The following CA5B variants were observed in gnomAD, a reference collection of about 807,000 sequenced individuals.
CA5B encodes carbonic anhydrase 5B.
Under a neutral mutation model 23.1 loss-of-function variants are expected in CA5B, and 15 were observed. That is an observed-to-expected ratio of 0.65 (90% CI 0.43 to 1.00). CA5B has a LOEUF of 1.00. CA5B is among the 50% of genes least tolerant of loss of function. The pLI, the probability that CA5B is intolerant of heterozygous loss-of-function variation, is 0.00. For missense variants in CA5B, 236 were observed against 252.2 expected (o/e 0.94, Z 0.43); for synonymous variants, 84 against 98.5 (o/e 0.85, Z 0.87).
intron 7 of CA5B, among the ~76,000 whole-genome samples, chrX:15,779,471 T>C (rs1226268828): frequency 8.9e-6 from 1 of 112,037 alleles, no homozygotes; most frequent in Non-Finnish European, 1.9e-5. Context: ...ACACATAAAA[T>C]TAACCATCAC....
At chrX:15,748,445 A>C (rs1165323096) in intron 1 of CA5B, among the ~76,000 whole-genome samples, 1 of 111,573 alleles carries the variant, frequency 9.0e-6, no homozygotes, top group Non-Finnish European at 1.9e-5. Context: ...TATTTAGCTC[A>C]AGGCACCATC....
intron 2 of CA5B, among the ~76,000 whole-genome samples, chrX:15,758,788 G>A (rs1931544529): frequency 8.9e-6 from 1 of 111,813 alleles, no homozygotes; most frequent in African/African-American, 3.3e-5. Flanking sequence ...GATTACAGGT[G>A]CAAGCCACTG....
Position 15,772,528 on chromosome X carries a change from C to A in CA5B, c.373C>A (p.Arg125=). 1.7e-6 allele frequency: 2 copies of A among 1,207,168 alleles called. No homozygotes were observed. The highest frequency in any genetic ancestry group is 2.2e-6 in the Non-Finnish European group (2 of 891,884). ...GGGAGGACCCCTGGAACACAACTAC[C>A]GATTGAAGCAGTTCCATTTTCACTG... ...IKGGPLEHNY[R]LKQFHFHWGA... The change falls in exon 4 of 8, where the codon CGA becomes AGA. Residue 125 remains arginine (R), a synonymous_variant. Coordinates refer to ENST00000318636, the MANE Select transcript of CA5B (RefSeq NM_007220.4).
chrX:15,752,214 C>G (rs763025416), intron 2 of CA5B, among the ~76,000 whole-genome samples: 1 of 110,665 alleles, frequency 9.0e-6, no homozygotes, highest in Admixed American at 9.7e-5. Flanking sequence ...AAATTCCTAT[C>G]TAAGGGGTCT....
chrX:15,764,019 C>T (rs946502702), intron 2 of CA5B, among the ~76,000 whole-genome samples: 6 of 111,534 alleles, frequency 5.4e-5, no homozygotes, highest in African/African-American at 2.0e-4. Flanking sequence ...GATACCTGCC[C>T]ACATTAAGGG....
At chrX:15,754,367 T>A (rs1443829274) in intron 2 of CA5B, among the ~76,000 whole-genome samples, 2 of 112,706 alleles carry the variant, frequency 1.8e-5, no homozygotes, top group Admixed American at 1.9e-4. Context: ...AATCTGACCA[T>A]TTTAAGAGGA....
At chrX:15,740,456 G>A (rs1266899640) in intron 1 of CA5B, among the ~76,000 whole-genome samples, 1 of 112,537 alleles carries the variant, frequency 8.9e-6, no homozygotes, top group African/African-American at 3.2e-5. Context: ...ATAACCTCAT[G>A]TATTGTTATA....
intron 2 of CA5B, among the ~76,000 whole-genome samples, chrX:15,755,626 C>T (rs940862447): frequency 1.8e-5 from 2 of 112,096 alleles, no homozygotes; most frequent in Non-Finnish European, 3.8e-5. Flanking sequence ...AAATATGAGC[C>T]GTATGGGTCA....
At chrX:15,757,523 A>G (rs1361989502) in intron 2 of CA5B, among the ~76,000 whole-genome samples, 2 of 109,763 alleles carry the variant, frequency 1.8e-5, no homozygotes, top group African/African-American at 3.3e-5. Flanking sequence ...TCAAAAACAA[A>G]CAAGCAACAA....
At chrX:15,752,486 G>A (rs1043760769) in intron 2 of CA5B, among the ~76,000 whole-genome samples, 1 of 111,836 alleles carries the variant, frequency 8.9e-6, no homozygotes, top group Non-Finnish European at 1.9e-5. Context: ...AGCACTTTGC[G>A]AGGCCGAGGC....
In CA5B at chrX:15,758,461, G is replaced by A. The variant is rs770185898; in HGVS notation, c.143-6117G>A. 4.1e-3 allele frequency among the ~76,000 whole-genome samples: 462 copies of A among 111,452 alleles called. 4 individuals are homozygous for A. Among genetic ancestry groups the A allele is most frequent in the African/African-American group, 0.015 (447 of 30,813 alleles). ...TCAGCTCTTAATACCATCACCTTGG[G>A]GAAAAGGATTTCAGCGTGTACATTT... On this transcript the variant is annotated intron_variant, in intron 2 of 7. Coordinates refer to ENST00000318636, the MANE Select transcript of CA5B (RefSeq NM_007220.4).
chrX:15,785,164 A>T lies in CA5B; in HGVS notation c.*2500A>T. ...GGTTTCCCAAATAACTGAAAACAGA[A>T]TTACCATAAGAATTACCACCAAAGC... On this transcript the variant is annotated 3_prime_UTR_variant, in exon 8 of 8. Coordinates refer to ENST00000318636, the MANE Select transcript of CA5B (RefSeq NM_007220.4). The T allele has an allele frequency of 8.9e-6, 1 of 112,045 alleles. No homozygotes were observed. Among genetic ancestry groups the T allele is most frequent in the African/African-American group, 3.2e-5 (1 of 30,805 alleles). 9.2% of individuals were successfully genotyped at this position (112,045 alleles called of 1,213,427 possible). A position where few individuals can be genotyped will look rare whatever the true frequency, so the allele number is the denominator to read the frequency against.
At chrX:15,747,516 GA>G (rs1397164659) in intron 1 of CA5B, among the ~76,000 whole-genome samples, 1 of 110,048 alleles carries the variant, frequency 9.1e-6, no homozygotes, top group Non-Finnish European at 1.9e-5. Context: ...AAAATGGCAG[GA>G]GGGGGGGTAG....
At position 15,754,003 on chromosome X, in the gene CA5B, A is replaced by C. The variant is rs1392864559; in HGVS notation, c.142+3838A>C. ...TGATGCTCTACCAGGGTCAGGTTGG[A>C]GGTAGGTATTGTATTGCTACAAAGA... On this transcript the variant is annotated intron_variant, in intron 2 of 7. Coordinates refer to ENST00000318636, the MANE Select transcript of CA5B (RefSeq NM_007220.4). Among the ~76,000 whole-genome samples, 5 of 112,318 alleles carry C rather than the reference A, an allele frequency of 4.5e-5. No individual in the cohort carries two copies. In the East Asian group the frequency reaches 1.4e-3, roughly 31 times the overall value.
At chrX:15,780,587 T>C (rs867168366) in intron 7 of CA5B, among the ~76,000 whole-genome samples, 6 of 112,228 alleles carry the variant, frequency 5.3e-5, no homozygotes, top group Middle Eastern at 9.2e-3. Context: ...GAACATTTTA[T>C]AGATAATGAA....
At chrX:15,752,690 A>C (rs932064350) in intron 2 of CA5B, among the ~76,000 whole-genome samples, 12 of 108,097 alleles carry the variant, frequency 1.1e-4, no homozygotes, top group Admixed American at 1.1e-3. Flanking sequence ...GCGCCACTGC[A>C]CTCCAGCCTG....
At chrX:15,752,804 T>A (rs770962679) in intron 2 of CA5B, among the ~76,000 whole-genome samples, 1 of 110,855 alleles carries the variant, frequency 9.0e-6, no homozygotes, top group Non-Finnish European at 1.9e-5. Flanking sequence ...TTAACTAAGA[T>A]CTGAATAGGA....
chrX:15,765,868 A>G (rs1453124241), intron 3 of CA5B, among the ~76,000 whole-genome samples: 1 of 110,878 alleles, frequency 9.0e-6, no homozygotes, highest in Admixed American at 9.7e-5. Context: ...CATAAAAATG[A>G]TAATGAGGCC....
chrX:15,782,579 G>A lies in CA5B; in HGVS notation c.869G>A (p.Arg290His), dbSNP rs1181134647. ...CGCCCCCTTCAGCCACTGATGAATC[G>A]CACTGTTCGTTCATCCTTCCGGCAT... Reference protein sequence around the residue: ...NFRPLQPLMNRTVRSSFRHDY... With the variant: ...NFRPLQPLMNHTVRSSFRHDY... Residue 290 changes from arginine to histidine, a missense_variant, in exon 8 of 8, where the codon CGC becomes CAC. Physicochemically the swap from Arg to His is conservative, Grantham distance 29 (BLOSUM62 0). Coordinates refer to ENST00000318636, the MANE Select transcript of CA5B (RefSeq NM_007220.4). The A allele has an allele frequency of 4.0e-5, 48 of 1,208,178 alleles. No individual in the cohort carries two copies. The highest frequency in any genetic ancestry group is 5.2e-5 in the Non-Finnish European group (46 of 893,137).
Sources: allele counts gnomAD v4.1 joint callset (sites outside exome capture counted in the v4.1 genomes callset), GRCh38; gene constraint gnomAD v4.1.1; transcripts MANE v1.5; gene names NCBI Gene and HGNC (gene_info 2026-07-23, HGNC 2026-07-21).